Variants in RADIL observed in about 807,000 individuals in gnomAD.
RADIL encodes the protein Rap associating with DIL domain, also known as ras-associating and dilute domain-containing protein.
RADIL carries 99 observed loss-of-function variants against 97.6 expected under a neutral mutation model. That is an observed-to-expected ratio of 1.01 (90% CI 0.86 to 1.20). The LOEUF (loss-of-function observed/expected upper bound fraction) is 1.20. Among genes scored for constraint, RADIL ranks in the 50% most tolerant of loss-of-function variants. The pLI is 0.00. For missense variants in RADIL, 1,765 were observed against 1,498.9 expected, an observed-to-expected ratio of 1.18 and a Z score of -2.93; for synonymous variants, 803 against 691.8, an observed-to-expected ratio of 1.16 and a Z score of -2.52.
At chr7:4,852,760 C>T (rs1005020579) in intron 2 of RADIL, among the ~76,000 whole-genome samples, 2 of 152,150 alleles carry the variant, frequency 1.3e-5, no homozygotes, top group African/African-American at 4.8e-5. Flanking sequence ...CCAGGCTGGT[C>T]TCAAACTCCT....
chr7:4,800,315 G>A lies in RADIL; in HGVS notation c.2843-5C>T. On this transcript the variant is annotated splice_region_variant and splice_polypyrimidine_tract_variant and intron_variant, in intron 12 of 14. Transcript: ENST00000399583. ...CCGCAAGGGCTGCAGAGTCTCCTGGGTGGGGGCCAGGAAAGGTGGGTGGGA... is the reference window on the plus strand; with the variant it reads ...CCGCAAGGGCTGCAGAGTCTCCTGGATGGGGGCCAGGAAAGGTGGGTGGGA... The A allele has an allele frequency of 6.9e-7, 1 of 1,446,026 alleles. No individual in the cohort carries two copies. The highest frequency in any genetic ancestry group is 9.1e-7 in the Non-Finnish European group (1 of 1,099,478). The allele number at this position is 1,446,026 out of a possible 1,614,324, so 89.6% of individuals were successfully genotyped here.
intron 2 of RADIL, among the ~76,000 whole-genome samples, chr7:4,846,718 G>A (rs529693635): frequency 2.9e-4 from 43 of 150,826 alleles, no homozygotes; most frequent in African/African-American, 1.0e-3. Context: ...GCTAATTTTC[G>A]TATTTTTAGT....
At position 4,819,856 on chromosome 7, in the gene RADIL, C is replaced by T. The variant is rs958775619; in HGVS notation, c.1616-2505G>A. On this transcript the variant is annotated intron_variant, in intron 6 of 14. Coordinates refer to ENST00000399583, the MANE Select transcript of RADIL (RefSeq NM_018059.5). This position sits in a 1 kb window ranked among gnomAD's most constrained non-coding sequence, Gnocchi z 5.8. The stretch of plus-strand genomic sequence containing the variant: ...ATCCCTGGGCCCTGGCTCCCATCGC[C>T]GGGCCAAACACTGCTCAGGCCCCTG... 2.6e-5 allele frequency among the ~76,000 whole-genome samples: 4 copies of T among 152,198 alleles called. No homozygotes were observed. Among genetic ancestry groups the T allele is most frequent in the African/African-American group, 7.2e-5 (3 of 41,442 alleles).
At chr7:4,860,336 TTTC>T in intron 2 of RADIL, 2 of 1,614,008 alleles carry the variant, frequency 1.2e-6, no homozygotes, top group Non-Finnish European at 1.7e-6. Flanking sequence ...GTGAAGTTCC[TTTC>T]TTCTTAAATG....
intron 2 of RADIL, chr7:4,861,833 G>C: frequency 8.0e-7 from 1 of 1,246,614 alleles, no homozygotes; most frequent in Non-Finnish European, 1.0e-6. Flanking sequence ...GCCCCGCCAG[G>C]GCACGTCCCC....
At position 4,877,616 on chromosome 7, in the gene RADIL, G is replaced by C; in HGVS notation, c.524C>G (p.Thr175Ser). The C allele has an allele frequency of 1.9e-6, 3 of 1,600,052 alleles. No homozygotes were observed. The East Asian group carries it at 6.7e-5, about 36-fold the overall frequency. ...VEELAAKEVD[T>S]ITAGINAQAR... is the part of the protein sequence containing the mutation. ...GTGGCCCCCCTCACCTGCCGTGATG[G>C]TGTCCACCTCCTTGGCTGCCAGCTC... is the stretch of plus-strand genomic sequence containing the variant. The change falls in exon 2 of 15, where the codon ACC becomes AGC. Residue 175 changes from threonine to serine, a missense_variant. Transcript: ENST00000399583.
intron 10 of RADIL, among the ~76,000 whole-genome samples, chr7:4,804,618 C>G (rs1782232349): frequency 2.6e-5 from 4 of 152,152 alleles, no homozygotes; most frequent in Admixed American, 2.6e-4. Flanking sequence ...GAAACCCCGT[C>G]TCTACCAAAA....
intron 4 of RADIL, 176 bp from the exon 5 acceptor site, chr7:4,832,354 A>G (rs773754256): frequency 3.1e-6 from 2 of 642,656 alleles, no homozygotes; most frequent in Non-Finnish European, 5.6e-6. Context: ...TGACTTCAAC[A>G]TCTTCCCATT....
At chr7:4,852,604 A>G (rs191099981) in intron 2 of RADIL, among the ~76,000 whole-genome samples, 1 of 152,312 alleles carries the variant, frequency 6.6e-6, no homozygotes. Flanking sequence ...GTGTGACACC[A>G]TGCCTGACTA....
In RADIL at chr7:4,880,437, C is replaced by A. The variant is rs1470304024; in HGVS notation, c.-64-2234G>T. The stretch of plus-strand genomic sequence containing the variant: ...GGCTTCCAATCGCCCTCTAGTCTGA[C>A]CTCAGTCTCCTGTGGTCAGTTTTCA... On this transcript the variant is annotated intron_variant, in intron 1 of 14. Coordinates refer to ENST00000399583, the MANE Select transcript of RADIL (RefSeq NM_018059.5). The surrounding 1 kb of genome is among the most constrained non-coding windows in gnomAD (Gnocchi z 4.5). 6.6e-6 allele frequency among the ~76,000 whole-genome samples: 1 copy of A among 152,180 alleles called. No homozygotes were observed. Among genetic ancestry groups the A allele is most frequent in the Non-Finnish European group, 1.5e-5 (1 of 68,032 alleles).
rs1217879509 is a variant in RADIL at position 4,802,530 on chromosome 7, G to A, written c.2500-535C>T. ...GCATGCTGGATGGACCCCCTCTCTG[G>A]GCACCTCAGGGAATGCTGGCTGGAC... On this transcript the variant is annotated intron_variant, in intron 11 of 14. Coordinates refer to ENST00000399583, the MANE Select transcript of RADIL (RefSeq NM_018059.5). 2.3e-5 allele frequency among the ~76,000 whole-genome samples: 3 copies of A among 131,332 alleles called. No individual in the cohort carries two copies. In the South Asian group the frequency reaches 7.2e-4, roughly 32 times the overall value. The allele number at this position is 131,332 out of a possible 152,430, so 86.2% of individuals were successfully genotyped here.
At chr7:4,861,644 T>G in intron 2 of RADIL, 1 of 1,607,982 alleles carries the variant, frequency 6.2e-7, no homozygotes. Flanking sequence ...CAGTTCCTCT[T>G]CCTCTTCGAA....
chr7:4,834,263 G>A lies in RADIL; in HGVS notation c.1416+344C>T, dbSNP rs1329273016. Among the ~76,000 whole-genome samples the A allele has an allele frequency of 6.6e-6, 1 of 152,136 alleles. No individual in the cohort carries two copies. ...ATCAATGTCACCTCGGCCTCGTGGT[G>A]CCCAGGCTCAGGGGCAGCTCACTCC... On this transcript the variant is annotated intron_variant, in intron 4 of 14. Coordinates refer to ENST00000399583, the MANE Select transcript of RADIL (RefSeq NM_018059.5). This position sits in a 1 kb window ranked among gnomAD's most constrained non-coding sequence, Gnocchi z 6.0.
rs1486393403 is a variant in RADIL at position 4,801,878 on chromosome 7, C to G, written c.2617G>C (p.Gly873Arg). 1 of 1,589,024 alleles carries G rather than the reference C, an allele frequency of 6.3e-7. No individual in the cohort carries two copies. Among genetic ancestry groups the G allele is most frequent in the Non-Finnish European group, 8.6e-7 (1 of 1,168,344 alleles). Residue 873 changes from glycine to arginine, a missense_variant, in exon 12 of 15, where the codon GGG (glycine) becomes CGG (arginine). Physicochemically the swap from Gly to Arg is moderately radical, Grantham distance 125. Coordinates refer to ENST00000399583, the MANE Select transcript of RADIL (RefSeq NM_018059.5). ...VAPERTLPLR[G>R]APWAQAPPGR... ...GGGGGGGCCTGTGCCCAGGGAGCCC[C>G]CCTCAAGGGAAGAGTACGCTCCGGG...
In RADIL at chr7:4,817,500, T is replaced by C. The variant is rs1193268264; in HGVS notation, c.1616-149A>G. The stretch of plus-strand genomic sequence containing the variant: ...ATGCGATAAACTGGCCGAGGGACTC[T>C]GGGCCCTGGCTGGGACGAGCGCAGC... On this transcript the variant is annotated intron_variant, in intron 6 of 14. Transcript: ENST00000399583. The surrounding 1 kb of genome is among the most constrained non-coding windows in gnomAD (Gnocchi z 8.3). 2 of 651,714 alleles carry C rather than the reference T, an allele frequency of 3.1e-6. No homozygotes were observed. The highest frequency in any genetic ancestry group is 5.2e-6 in the Non-Finnish European group (2 of 386,520). The allele number at this position is 651,714 out of a possible 1,614,324, so 40.4% of individuals were successfully genotyped here. A position where few individuals can be genotyped will look rare whatever the true frequency, so the allele number is the denominator to read the frequency against.
intron 10 of RADIL, 113 bp from the exon 11 acceptor site, chr7:4,803,867 C>G: frequency 1.0e-6 from 1 of 961,328 alleles, no homozygotes; most frequent in Non-Finnish European, 1.6e-6. Flanking sequence ...GCCCTGAGTC[C>G]CCTGCCCTGT....
At chr7:4,850,356 G>C (rs1783679370) in intron 2 of RADIL, among the ~76,000 whole-genome samples, 1 of 152,102 alleles carries the variant, frequency 6.6e-6, no homozygotes, top group Non-Finnish European at 1.5e-5. Flanking sequence ...TTCTAAGATG[G>C]CTCCATGGTC....
Position 4,813,861 on chromosome 7 carries a change from C to A in RADIL, c.2139+1417G>T, listed in dbSNP as rs916448280. 6.6e-6 allele frequency among the ~76,000 whole-genome samples: 1 copy of A among 152,198 alleles called. No individual in the cohort carries two copies. The highest frequency in any genetic ancestry group is 1.5e-5 in the Non-Finnish European group (1 of 68,036). ...TTCTGTTTTAGCCCCATCTTGACATCGGTGTCCAGAGGTACCTGGTGCCAC... is the reference window on the plus strand; with the variant it reads ...TTCTGTTTTAGCCCCATCTTGACATAGGTGTCCAGAGGTACCTGGTGCCAC... On this transcript the variant is annotated intron_variant, in intron 9 of 14. Coordinates refer to ENST00000399583, the MANE Select transcript of RADIL (RefSeq NM_018059.5). This position sits in a 1 kb window ranked among gnomAD's most constrained non-coding sequence, Gnocchi z 5.0.
In RADIL at chr7:4,803,529, G is replaced by C; in HGVS notation, c.2499+17C>G. ...CACCTCGGGGCACGCTGGCTGGGGGGCCCCCTCCCCGGGTACCTCGGGGCA... is the reference window on the plus strand; with the variant it reads ...CACCTCGGGGCACGCTGGCTGGGGGCCCCCCTCCCCGGGTACCTCGGGGCA... On this transcript the variant is annotated intron_variant, in intron 11 of 14. Coordinates refer to ENST00000399583, the MANE Select transcript of RADIL (RefSeq NM_018059.5). 1 of 1,527,300 alleles carries C rather than the reference G, an allele frequency of 6.5e-7. No homozygotes were observed. Among genetic ancestry groups the C allele is most frequent in the Non-Finnish European group, 8.8e-7 (1 of 1,132,190 alleles). 94.6% of individuals were successfully genotyped at this position (1,527,300 alleles called of 1,614,324 possible).
Sources: gnomAD v4.1 joint callset for allele counts (sites outside exome capture counted in the v4.1 genomes callset) on GRCh38, gnomAD v4.1.1 for gene constraint, Gnocchi (gnomAD v3.1) non-coding constraint, MANE v1.5 for transcripts, NCBI Gene and HGNC (gene_info 2026-07-23, HGNC 2026-07-21) for gene names.